The following PTPRN2 variants were observed in gnomAD, a reference collection of about 807,000 sequenced individuals.
PTPRN2 encodes receptor-type tyrosine-protein phosphatase N2.
Under a neutral mutation model 118.8 loss-of-function variants are expected in PTPRN2, and 74 were observed. The ratio of observed to expected loss-of-function variants is 0.62; its 90% CI spans 0.52 to 0.76. The LOEUF is 0.76. PTPRN2 is among the 30% of genes least tolerant of loss of function. The pLI, the probability that PTPRN2 is intolerant of heterozygous loss-of-function variation, is 0.00. For synonymous variants in PTPRN2, 641 were observed against 608.0 expected (o/e 1.05, Z -0.80); for missense variants, 1,481 against 1,394.4 (o/e 1.06, Z -0.99).
Position 158,001,843 on chromosome 7 carries a change from A to C in PTPRN2, c.1723+79455T>G, listed in dbSNP as rs191747748. 6.4e-4 allele frequency among the ~76,000 whole-genome samples: 98 copies of C among 152,300 alleles called. 1 individual carries two copies. In the South Asian group the frequency reaches 0.019, roughly 30 times the overall value. ...GCCCTCACCCGGAACCGTGCCAGGC[A>C]CCGAGGAGGTGCTCAGTAAACTATG... On this transcript the variant is annotated intron_variant, in intron 11 of 22. Coordinates refer to ENST00000389418, the MANE Select transcript of PTPRN2 (RefSeq NM_002847.5).
In PTPRN2 at chr7:158,359,783, T is replaced by C. The variant is rs555748488; in HGVS notation, c.164-42851A>G. ...TTGAAAATTAAAACATGATTAAGAATGGCAGCCCAAGCGAGAGCCCAGATG... is the reference window on the plus strand; with the variant it reads ...TTGAAAATTAAAACATGATTAAGAACGGCAGCCCAAGCGAGAGCCCAGATG... On this transcript the variant is annotated intron_variant, in intron 2 of 22. Coordinates refer to ENST00000389418, the MANE Select transcript of PTPRN2 (RefSeq NM_002847.5). Among the ~76,000 whole-genome samples the C allele has an allele frequency of 3.3e-5, 5 of 152,300 alleles. No homozygotes were observed. In the South Asian group the frequency reaches 1.0e-3, roughly 32 times the overall value.
intron 9 of PTPRN2, among the ~76,000 whole-genome samples, chr7:158,125,791 G>A (rs1046967863): frequency 2.0e-5 from 3 of 152,116 alleles, no homozygotes; most frequent in African/African-American, 4.8e-5. Context: ...CTGCCCTGGC[G>A]CCAGAAACAC....
In PTPRN2 at chr7:157,692,731, T is replaced by C. The variant is rs572036167; in HGVS notation, c.1789-9794A>G. On this transcript the variant is annotated intron_variant, in intron 12 of 22. Coordinates refer to ENST00000389418, the MANE Select transcript of PTPRN2 (RefSeq NM_002847.5). ...GCGCGAGAGGCGAGAAACTGCGGCG[T>C]CACTGGCGTCCTCTGCCCATGAGTG... 2.8e-3 allele frequency among the ~76,000 whole-genome samples: 426 copies of C among 151,862 alleles called. 3 individuals carry two copies. The highest frequency in any genetic ancestry group is 4.3e-3 in the Non-Finnish European group (293 of 67,904).
intron 12 of PTPRN2, among the ~76,000 whole-genome samples, chr7:157,777,754 A>G (rs1803419915): frequency 6.6e-6 from 1 of 152,258 alleles, no homozygotes; most frequent in South Asian, 2.1e-4. Flanking sequence ...CTCATTTATA[A>G]TCAGTCTGCA....
rs370554035 is a variant in PTPRN2, at chr7:158,265,338, G to C, written c.277+51481C>G. Among the ~76,000 whole-genome samples the C allele has an allele frequency of 6.0e-4, 91 of 152,056 alleles. No individual in the cohort carries two copies. The East Asian group carries it at 0.01, about 18-fold the overall frequency. The stretch of plus-strand genomic sequence containing the variant: ...CACACACCTGCAGGGGCACACTTGT[G>C]GATGCACACCTGCAGGCAGGTACAT... On this transcript the variant is annotated intron_variant, in intron 3 of 22. Transcript: ENST00000389418.
chr7:158,292,890 A>G lies in PTPRN2; in HGVS notation c.277+23929T>C, dbSNP rs57712910. ...TGAGTTCAGCCTGGCCAACATGGTGAAACCCTGTCTCTACTAAAAATACAA... is the reference window on the plus strand; with the variant it reads ...TGAGTTCAGCCTGGCCAACATGGTGGAACCCTGTCTCTACTAAAAATACAA... On this transcript the variant is annotated intron_variant, in intron 3 of 22. Transcript: ENST00000389418. Among the ~76,000 whole-genome samples, 707 of 152,228 alleles carry G rather than the reference A, an allele frequency of 4.6e-3. 7 individuals carry two copies. The highest frequency in any genetic ancestry group is 0.016 in the African/African-American group (655 of 41,540).
intron 3 of PTPRN2, among the ~76,000 whole-genome samples, chr7:158,296,290 AG>A (rs1399056756): frequency 6.6e-6 from 1 of 152,158 alleles, no homozygotes; most frequent in Non-Finnish European, 1.5e-5. Context: ...ACTCACTGAC[AG>A]GCACCAGCAG....
At chr7:158,162,136 A>G (rs1449278806) in intron 6 of PTPRN2, among the ~76,000 whole-genome samples, 1 of 152,230 alleles carries the variant, frequency 6.6e-6, no homozygotes, top group African/African-American at 2.4e-5. Flanking sequence ...CACTGGTGGC[A>G]CGCAGAATGC....
At chr7:158,168,643 G>T (rs1021700350) in intron 5 of PTPRN2, among the ~76,000 whole-genome samples, 2 of 152,190 alleles carry the variant, frequency 1.3e-5, no homozygotes, top group South Asian at 4.1e-4. Flanking sequence ...CAGGGAAGAT[G>T]CCAGGGTCTC....
intron 2 of PTPRN2, among the ~76,000 whole-genome samples, chr7:158,461,547 T>TG (rs2129442997): frequency 6.6e-6 from 1 of 151,984 alleles, no homozygotes; most frequent in African/African-American, 2.4e-5. Flanking sequence ...CAGAAAATGG[T>TG]GAAAAAAAAT....
At chr7:158,150,181 A>AGT (rs1820824441) in intron 6 of PTPRN2, among the ~76,000 whole-genome samples, 1 of 152,236 alleles carries the variant, frequency 6.6e-6, no homozygotes, top group South Asian at 2.1e-4. Flanking sequence ...CAAGCGGGGC[A>AGT]GTGTGTGTGA....
At position 157,845,392 on chromosome 7, in the gene PTPRN2, G is replaced by A. The variant is rs910812182; in HGVS notation, c.1788+53281C>T. On this transcript the variant is annotated intron_variant, in intron 12 of 22. Transcript: ENST00000389418. This position sits in a 1 kb window ranked among gnomAD's most constrained non-coding sequence, Gnocchi z 4.5. The stretch of plus-strand genomic sequence containing the variant: ...TCCCGGCCACGCCACAGTGAATCAC[G>A]CAGCCTAACTCACCAGGTTACTGGC... 2.0e-5 allele frequency among the ~76,000 whole-genome samples: 3 copies of A among 151,810 alleles called. No homozygotes were observed. Among genetic ancestry groups the A allele is most frequent in the African/African-American group, 4.8e-5 (2 of 41,238 alleles).
chr7:158,026,384 A>C (rs1405925726), intron 11 of PTPRN2, among the ~76,000 whole-genome samples: 2 of 152,160 alleles, frequency 1.3e-5, no homozygotes, highest in Non-Finnish European at 2.9e-5. Context: ...AACAACATCC[A>C]TGTGGGAAGG....
intron 6 of PTPRN2, among the ~76,000 whole-genome samples, chr7:158,139,955 G>C (rs933209403): frequency 3.3e-5 from 5 of 152,082 alleles, no homozygotes; most frequent in African/African-American, 1.2e-4. Flanking sequence ...ACAAAGCTGA[G>C]CCAGTGGGTC....
intron 12 of PTPRN2, among the ~76,000 whole-genome samples, chr7:157,728,500 A>G (rs1310849307): frequency 6.6e-6 from 1 of 152,128 alleles, no homozygotes; most frequent in African/African-American, 2.4e-5. Context: ...CAGTGGACAA[A>G]ACAGCTTTAA....
chr7:158,334,127 C>G (rs1416362796), intron 2 of PTPRN2, among the ~76,000 whole-genome samples: 6 of 36,528 alleles, frequency 1.6e-4, no homozygotes, highest in Non-Finnish European at 2.2e-4. Context: ...CACACCCACA[C>G]TCTCACCATA....
chr7:157,912,669 A>G lies in PTPRN2; in HGVS notation c.1724-13932T>C, dbSNP rs117822286. On this transcript the variant is annotated intron_variant, in intron 11 of 22. Transcript: ENST00000389418. ...ATGTAAGTCTGATATTGAAGAACTG[A>G]TTTTTGTATGTGATTCAAGGTAGAG... is the stretch of plus-strand genomic sequence containing the variant. Among the ~76,000 whole-genome samples, 26 of 152,276 alleles carry G rather than the reference A, an allele frequency of 1.7e-4. No individual in the cohort carries two copies. The East Asian group carries it at 4.8e-3, about 28-fold the overall frequency.
At position 157,632,279 on chromosome 7, in the gene PTPRN2, C is replaced by T. The variant is rs746756257; in HGVS notation, c.2197-10770G>A. On this transcript the variant is annotated intron_variant, in intron 14 of 22. Coordinates refer to ENST00000389418, the MANE Select transcript of PTPRN2 (RefSeq NM_002847.5). This position sits in a 1 kb window ranked among gnomAD's most constrained non-coding sequence, Gnocchi z 4.3. ...AAGGACTGCATGAAGACCTGCGATGCGTGGAAAGGTGGCCTGGTGCACCAA... is the reference window on the plus strand; with the variant it reads ...AAGGACTGCATGAAGACCTGCGATGTGTGGAAAGGTGGCCTGGTGCACCAA... 2.0e-5 allele frequency among the ~76,000 whole-genome samples: 3 copies of T among 152,108 alleles called. No homozygotes were observed. Among genetic ancestry groups the T allele is most frequent in the African/African-American group, 7.2e-5 (3 of 41,428 alleles).
At chr7:157,984,369 G>T in intron 11 of PTPRN2, among the ~76,000 whole-genome samples, 1 of 57,368 alleles carries the variant, frequency 1.7e-5, no homozygotes, top group African/African-American at 8.4e-5. Context: ...CCCACGCCAG[G>T]CTCCACCCCC....
Sources: allele counts gnomAD v4.1 joint callset (sites outside exome capture counted in the v4.1 genomes callset), GRCh38; gene constraint gnomAD v4.1.1; non-coding constraint Gnocchi (gnomAD v3.1); transcripts MANE v1.5; gene names NCBI Gene and HGNC (gene_info 2026-07-23, HGNC 2026-07-21).